Variants in TCEANC observed in about 807,000 individuals in gnomAD.
TCEANC encodes transcription elongation factor A N-terminal and central domain containing.
TCEANC carries 8 observed loss-of-function variants against 8.7 expected under a neutral mutation model. That is an observed-to-expected ratio of 0.92 (90% CI 0.54 to 1.65). The LOEUF (loss-of-function observed/expected upper bound fraction) is 1.65. TCEANC is among the 40% of genes most tolerant of loss of function. The pLI is 0.00. For synonymous variants in TCEANC, 78 were observed against 92.9 expected, an observed-to-expected ratio of 0.84 and a Z score of 0.92; for missense variants, 255 against 251.9, an observed-to-expected ratio of 1.01 and a Z score of -0.08.
chrX:13,658,755 T>TG (rs762164573), intron 1 of TCEANC, among the ~76,000 whole-genome samples: 1 of 111,553 alleles, frequency 9.0e-6, no homozygotes, highest in South Asian at 3.8e-4. Flanking sequence ...CCCTCAAACT[T>TG]TATCCCCAAA....
chrX:13,663,508 G>A (rs765134801), exon 2 of TCEANC: 14 of 1,169,512 alleles, frequency 1.2e-5, no homozygotes, highest in African/African-American at 8.9e-5. Flanking sequence ...GATGACTTAC[G>A]TAATTTGTAA....
chrX:13,663,127 G>C, exon 2 of TCEANC: 2 of 1,210,721 alleles, frequency 1.7e-6, no homozygotes, highest in Non-Finnish European at 2.2e-6. Flanking sequence ...AGAAATTGAA[G>C]AGCATGTTTT....
intron 1 of TCEANC, among the ~76,000 whole-genome samples, chrX:13,656,133 C>G (rs1467470944): frequency 1.8e-5 from 2 of 111,936 alleles, no homozygotes; most frequent in Non-Finnish European, 3.8e-5. Context: ...GATGGCGAGC[C>G]CAGATAGGGT....
intron 1 of TCEANC, among the ~76,000 whole-genome samples, chrX:13,662,104 A>C (rs2045970535): frequency 8.9e-6 from 1 of 112,036 alleles, no homozygotes. Flanking sequence ...ACTGTTCAGC[A>C]TTGCCATATT....
exon 2 of TCEANC, chrX:13,662,545 C>T: frequency 1.7e-6 from 2 of 1,211,416 alleles, no homozygotes; most frequent in Non-Finnish European, 2.2e-6. Flanking sequence ...CAGAGCTTCT[C>T]TTATTGAGCA....
intron 1 of TCEANC, among the ~76,000 whole-genome samples, chrX:13,661,492 T>C (rs1289382853): frequency 1.8e-5 from 2 of 112,431 alleles, no homozygotes; most frequent in Non-Finnish European, 3.8e-5. Flanking sequence ...AACACTTCAG[T>C]GTTCTTAGCC....
chrX:13,653,545 G>GA (rs759854549), upstream of TCEANC, among the ~76,000 whole-genome samples: 3 of 111,810 alleles, frequency 2.7e-5, no homozygotes, highest in Non-Finnish European at 5.7e-5. Context: ...ACCATTAAGG[G>GA]AAATGGTCCT....
chrX:13,662,410 G>A (rs2045973114), intron 1 of TCEANC, 91 bp from the exon 5 acceptor site: 6 of 815,979 alleles, frequency 7.4e-6, no homozygotes, highest in Non-Finnish European at 8.8e-6. Context: ...ACATTGCCTA[G>A]GTAACTGACA....
upstream of TCEANC, among the ~76,000 whole-genome samples, chrX:13,654,188 A>G (rs956287996): frequency 6.2e-5 from 7 of 113,226 alleles, no homozygotes; most frequent in African/African-American, 1.3e-4. Context: ...AATAAAATGT[A>G]TAATTAATTT....
chrX:13,662,889 C>T (rs1408959520), exon 2 of TCEANC: 9 of 1,211,561 alleles, frequency 7.4e-6, no homozygotes, highest in Middle Eastern at 2.3e-4. Flanking sequence ...CTTCCCAAGA[C>T]GTTGCAAAAC....
exon 2 of TCEANC, chrX:13,663,207 C>T (rs1445194051): frequency 1.7e-6 from 2 of 1,205,774 alleles, no homozygotes; most frequent in South Asian, 3.6e-5. Flanking sequence ...ATTTGAAGAA[C>T]CCCAGAAATT....
chrX:13,660,436 C>T (rs559820443), intron 1 of TCEANC, among the ~76,000 whole-genome samples: 1 of 111,972 alleles, frequency 8.9e-6, no homozygotes, highest in South Asian at 3.7e-4. Flanking sequence ...ATCAGCTGCT[C>T]CTCCTCCTTC....
chrX:13,657,254 C>T (rs994527484), intron 1 of TCEANC, among the ~76,000 whole-genome samples: 5 of 111,492 alleles, frequency 4.5e-5, no homozygotes, highest in Admixed American at 1.9e-4. Context: ...ATGTGGAGAC[C>T]GCATATGTAC....
chrX:13,653,215 G>T (rs761538054), upstream of TCEANC: 1 of 113,009 alleles, frequency 8.8e-6, no homozygotes. Flanking sequence ...GTTTGCCAGG[G>T]CCTGTGTCCC....
At chrX:13,656,412 C>T (rs1181778092) in intron 1 of TCEANC, among the ~76,000 whole-genome samples, 2 of 112,464 alleles carry the variant, frequency 1.8e-5, no homozygotes, top group Admixed American at 1.9e-4. Context: ...ATTTCAATGG[C>T]TTCCACATTA....
chrX:13,660,469 C>T (rs1337814465), intron 1 of TCEANC, among the ~76,000 whole-genome samples: 1 of 112,043 alleles, frequency 8.9e-6, no homozygotes, highest in Admixed American at 9.4e-5. Flanking sequence ...TTCTGCCCTA[C>T]CCTACCTAGT....
Position 13,663,473 on chromosome X carries a change from G to A in TCEANC, c.965G>A (p.Arg322Gln), listed in dbSNP as rs202172855. 2.4e-4 allele frequency: 285 copies of A among 1,175,718 alleles called. No individual in the cohort carries two copies. The highest frequency in any genetic ancestry group is 7.2e-4 in the East Asian group (23 of 31,810). ...ACACTTTTCCTTCCCAGCTGGGTGC[G>A]GAATTCAAACCCAGATGAACAAATG... is the stretch of plus-strand genomic sequence containing the variant. The change falls in exon 2 of 2, where the codon CGG (arginine) becomes CAG (glutamine). Residue 322 changes from arginine to glutamine, a missense_variant. Coordinates refer to ENST00000380600, the Ensembl canonical transcript of TCEANC.
chrX:13,660,857 T>A (rs376101963), intron 1 of TCEANC, among the ~76,000 whole-genome samples, 174 bp from the exon 4 acceptor site: 20 of 112,261 alleles, frequency 1.8e-4, no homozygotes, highest in African/African-American at 3.9e-4. Context: ...TATTATTATT[T>A]TTTTTTAGAC....
chrX:13,663,402 A>G (rs770049178), exon 2 of TCEANC: 1 of 1,187,892 alleles, frequency 8.4e-7, no homozygotes, highest in African/African-American at 1.7e-5. Flanking sequence ...TAAAATGCAG[A>G]CGCTGTGAGA....
Sources: allele counts gnomAD v4.1 joint callset (sites outside exome capture counted in the v4.1 genomes callset), GRCh38; gene constraint gnomAD v4.1.1; transcripts MANE v1.5; gene names NCBI Gene and HGNC (gene_info 2026-07-23, HGNC 2026-07-21).